Variants in DPP6 observed in about 807,000 individuals in gnomAD.
The protein encoded by DPP6 is A-type potassium channel modulatory protein DPP6.
A neutral mutation model predicts 122.6 loss-of-function variants in DPP6; 69 were observed. The ratio of observed to expected loss-of-function variants is 0.56; its 90% CI spans 0.46 to 0.69. DPP6 has a LOEUF of 0.69. Ranked by LOEUF, DPP6 falls within the 30% of genes least tolerant of loss-of-function variation. The pLI is 0.00. For synonymous variants in DPP6, 418 were observed against 433.1 expected, an observed-to-expected ratio of 0.97 and a Z score of 0.43; for missense variants, 928 against 1,116.9, an observed-to-expected ratio of 0.83 and a Z score of 2.41.
chr7:154,006,783 G>A (rs982376291), intron 1 of DPP6, among the ~76,000 whole-genome samples: 2 of 152,236 alleles, frequency 1.3e-5, no homozygotes, highest in Admixed American at 6.5e-5. Context: ...GGAAGCCCTC[G>A]ATAACTAATT....
the DPP6 span, among the ~76,000 whole-genome samples, chr7:153,860,340 C>T: frequency 2.0e-5 from 3 of 152,134 alleles, no homozygotes; most frequent in Non-Finnish European, 4.4e-5. Flanking sequence ...CCCCAGGAGG[C>T]TGACTGGCAG....
chr7:153,915,929 A>G (rs1800284936), intron 1 of DPP6, among the ~76,000 whole-genome samples: 1 of 150,208 alleles, frequency 6.7e-6, no homozygotes. Context: ...ACTAAGATAA[A>G]TAGCTCCTCT....
chr7:154,826,182 C>A (rs1800130521), intron 16 of DPP6, among the ~76,000 whole-genome samples: 1 of 152,120 alleles, frequency 6.6e-6, no homozygotes, highest in South Asian at 2.1e-4. Flanking sequence ...ATATTTGAAG[C>A]CTTCAAATAG....
At chr7:154,816,242 A>G (rs1799417777) in intron 16 of DPP6, among the ~76,000 whole-genome samples, 1 of 152,224 alleles carries the variant, frequency 6.6e-6, no homozygotes, top group African/African-American at 2.4e-5. Context: ...AGAGTCAACT[A>G]TGCTCTGAAA....
rs371581045 is a variant in DPP6, at chr7:154,433,232, G to T, written c.244-12982G>T. Among the ~76,000 whole-genome samples the T allele has an allele frequency of 1.8e-3, 251 of 137,458 alleles. 1 individual carries two copies. Among genetic ancestry groups the T allele is most frequent in the African/African-American group, 6.7e-3 (238 of 35,744 alleles). 90.2% of individuals were successfully genotyped at this position (137,458 alleles called of 152,430 possible). On this transcript the variant is annotated intron_variant, in intron 1 of 25. Transcript: ENST00000377770. ...ACAATCTCAGCCCACTGCAACCTCT[G>T]CCTCCCAGGTTCAAGCAATTCTCCT...
intron 1 of DPP6, among the ~76,000 whole-genome samples, chr7:154,222,294 C>G (rs62484136): frequency 0.068 from 10,351 of 152,216 alleles, 707 homozygotes; most frequent in African/African-American, 0.17. Context: ...CCACACACAG[C>G]CTGTCCTCTG....
intron 2 of DPP6, among the ~76,000 whole-genome samples, chr7:154,456,156 G>A (rs765142032): frequency 4.6e-5 from 7 of 152,148 alleles, no homozygotes; most frequent in Non-Finnish European, 5.9e-5. Flanking sequence ...GAACTAAGCA[G>A]GTCGGGGAAC....
intron 1 of DPP6, among the ~76,000 whole-genome samples, chr7:154,321,912 G>A (rs1808000189): frequency 6.6e-6 from 1 of 152,010 alleles, no homozygotes; most frequent in South Asian, 2.1e-4. Flanking sequence ...AGATACTGTG[G>A]TAGCTGACAC....
At chr7:153,865,872 A>T in the DPP6 span, among the ~76,000 whole-genome samples, 2 of 135,544 alleles carry the variant, frequency 1.5e-5, no homozygotes, top group Non-Finnish European at 3.0e-5. Context: ...CTCATTCTCC[A>T]TTTCCCACCT....
Position 154,481,338 on chromosome 7 carries a change from GAGA to G in DPP6, c.457+6302_457+6304del, listed in dbSNP as rs2151368374. On this transcript the variant is annotated intron_variant, in intron 3 of 25. Coordinates refer to ENST00000377770, the MANE Select transcript of DPP6 (RefSeq NM_130797.4). The surrounding 1 kb of genome is among the most constrained non-coding windows in gnomAD (Gnocchi z 4.2). The stretch of plus-strand genomic sequence containing the variant: ...TCCGAGCTATACACTTGGAGAGAGA[GAGA>G]GAGGGGTGTGTGTGTGTGTGTGTGT... Among the ~76,000 whole-genome samples, 1 of 89,696 alleles carries G rather than the reference GAGA, an allele frequency of 1.1e-5. No homozygotes were observed. The highest frequency in any genetic ancestry group is 2.4e-5 in the Non-Finnish European group (1 of 42,488). 58.8% of individuals were successfully genotyped at this position (89,696 alleles called of 152,430 possible).
intron 1 of DPP6, among the ~76,000 whole-genome samples, chr7:154,186,688 T>C (rs1008484391): frequency 3.3e-5 from 5 of 152,242 alleles, no homozygotes; most frequent in Non-Finnish European, 7.3e-5. Context: ...ACAGTCCAGA[T>C]GATGAAGCAA....
intron 1 of DPP6, among the ~76,000 whole-genome samples, chr7:153,910,897 G>A (rs918418173): frequency 1.3e-5 from 2 of 152,136 alleles, no homozygotes; most frequent in Non-Finnish European, 2.9e-5. Context: ...TCCCAGTTCA[G>A]TCAGTGCCAT....
chr7:154,215,740 G>C (rs923313898), intron 1 of DPP6, among the ~76,000 whole-genome samples: 1 of 152,012 alleles, frequency 6.6e-6, no homozygotes, highest in African/African-American at 2.4e-5. Flanking sequence ...AACATGATGA[G>C]GAGATCCCCA....
intron 17 of DPP6, among the ~76,000 whole-genome samples, chr7:154,864,279 G>C (rs1803671314): frequency 6.6e-6 from 1 of 152,138 alleles, no homozygotes; most frequent in African/African-American, 2.4e-5. Context: ...TAGCACAGTG[G>C]TGATTCCATC....
intron 1 of DPP6, among the ~76,000 whole-genome samples, chr7:153,932,445 A>C (rs904872889): frequency 6.6e-6 from 1 of 152,090 alleles, no homozygotes; most frequent in African/African-American, 2.4e-5. Context: ...TATATGAACT[A>C]TAAGCCACTA....
chr7:154,529,880 C>T (rs1318996395), intron 3 of DPP6, among the ~76,000 whole-genome samples: 6 of 152,112 alleles, frequency 3.9e-5, no homozygotes, highest in Non-Finnish European at 8.8e-5. Flanking sequence ...AATCCCAGCA[C>T]TTTGGGAGGC....
chr7:153,890,577 T>C (rs1799145158), intron 1 of DPP6, among the ~76,000 whole-genome samples: 1 of 152,112 alleles, frequency 6.6e-6, no homozygotes, highest in Non-Finnish European at 1.5e-5. Flanking sequence ...TATTTCTGAG[T>C]ACAGCTAGAG....
chr7:154,059,153 C>G (rs1183210841), intron 1 of DPP6: 2 of 147,962 alleles, frequency 1.4e-5, no homozygotes, highest in Non-Finnish European at 3.0e-5. Flanking sequence ...GAGCTATCCC[C>G]TCTTCCGCCC....
the DPP6 span, among the ~76,000 whole-genome samples, chr7:153,808,904 C>T: frequency 1.3e-5 from 2 of 151,930 alleles, no homozygotes; most frequent in African/African-American, 4.8e-5. Context: ...TTAACGTACA[C>T]CCAGAAGTGG....
Sources: gnomAD v4.1 joint callset for allele counts (sites outside exome capture counted in the v4.1 genomes callset) on GRCh38, gnomAD v4.1.1 for gene constraint, Gnocchi (gnomAD v3.1) non-coding constraint, MANE v1.5 for transcripts, NCBI Gene and HGNC (gene_info 2026-07-23, HGNC 2026-07-21) for gene names.